The following ELMOD1 variants were observed in gnomAD, a reference collection of about 807,000 sequenced individuals.
ELMOD1 encodes the protein ELMO domain containing 1, also known as ELMO domain-containing protein 1.
ELMOD1 carries 21 observed loss-of-function variants against 46.7 expected under a neutral mutation model. The observed-to-expected ratio is 0.45, with a 90% confidence interval of 0.32 to 0.65. ELMOD1 has a LOEUF of 0.65. Among genes scored for constraint, ELMOD1 ranks in the 30% least tolerant of loss-of-function variants. The pLI is 0.04. For missense variants in ELMOD1, 348 were observed against 407.8 expected, an observed-to-expected ratio of 0.85 and a Z score of 1.26; for synonymous variants, 122 against 138.2, an observed-to-expected ratio of 0.88 and a Z score of 0.82.
intron 1 of ELMOD1, among the ~76,000 whole-genome samples, chr11:107,612,070 C>T (rs1029809095): frequency 2.6e-5 from 4 of 152,102 alleles, no homozygotes; most frequent in South Asian, 2.1e-4. Context: ...TGCATATGTT[C>T]GTCACAGCAT....
chr11:107,642,626 A>C (rs1380921724), intron 6 of ELMOD1, among the ~76,000 whole-genome samples: 1 of 152,148 alleles, frequency 6.6e-6, no homozygotes, highest in Non-Finnish European at 1.5e-5. Flanking sequence ...CAGCCTCCCA[A>C]AGTGCTGAGA....
intron 1 of ELMOD1, chr11:107,592,027 G>GTGACAGC (rs765126541): frequency 5.3e-5 from 26 of 491,722 alleles, no homozygotes; most frequent in Non-Finnish European, 9.3e-5. Flanking sequence ...CGAGTGGGGA[G>GTGACAGC]TGACAGCTGA....
intron 1 of ELMOD1, among the ~76,000 whole-genome samples, chr11:107,606,501 G>A (rs999729233): frequency 6.6e-6 from 1 of 152,154 alleles, no homozygotes; most frequent in Non-Finnish European, 1.5e-5. Flanking sequence ...ACATAATAAA[G>A]AATTAATGGG....
At position 107,666,289 on chromosome 11, in the gene ELMOD1, G is replaced by T. The variant is rs1024056341; in HGVS notation, c.*1092G>T. ...TAAGCATATTTCAAAAGCTGCAAAAGGTTTTTCACTGCCTGCCTCTTGCGG... is the reference window on the plus strand; with the variant it reads ...TAAGCATATTTCAAAAGCTGCAAAATGTTTTTCACTGCCTGCCTCTTGCGG... On this transcript the variant is annotated 3_prime_UTR_variant, in exon 12 of 12. Transcript: ENST00000265840. The T allele has an allele frequency of 6.6e-6, 1 of 152,174 alleles. No homozygotes were observed. The highest frequency in any genetic ancestry group is 2.4e-5 in the African/African-American group (1 of 41,444). 9.4% of individuals were successfully genotyped at this position (152,174 alleles called of 1,614,324 possible). A position where few individuals can be genotyped will look rare whatever the true frequency, so the allele number is the denominator to read the frequency against.
intron 10 of ELMOD1, among the ~76,000 whole-genome samples, chr11:107,655,651 G>A (rs1866616687): frequency 1.5e-5 from 2 of 134,238 alleles, no homozygotes; most frequent in South Asian, 4.5e-4. Flanking sequence ...GCTACTCCGT[G>A]GGTAGAGCAG....
intron 6 of ELMOD1, among the ~76,000 whole-genome samples, chr11:107,636,097 CA>C (rs1198642311): frequency 6.6e-6 from 1 of 152,326 alleles, no homozygotes; most frequent in East Asian, 1.9e-4. Context: ...TAGCATTTGT[CA>C]AAGAGTGACT....
At chr11:107,621,540 A>C (rs1365450036) in intron 2 of ELMOD1, among the ~76,000 whole-genome samples, 1 of 152,218 alleles carries the variant, frequency 6.6e-6, no homozygotes, top group Non-Finnish European at 1.5e-5. Flanking sequence ...TCTTCATAGC[A>C]AATGTAATTA....
chr11:107,611,253 C>T (rs1201859131), intron 1 of ELMOD1, among the ~76,000 whole-genome samples: 1 of 152,142 alleles, frequency 6.6e-6, no homozygotes, highest in Non-Finnish European at 1.5e-5. Context: ...AACTAAAGAA[C>T]TTCTGCATGG....
chr11:107,660,356 C>T (rs1025842229), intron 11 of ELMOD1, among the ~76,000 whole-genome samples: 2 of 152,140 alleles, frequency 1.3e-5, no homozygotes, highest in Non-Finnish European at 1.5e-5. Context: ...CAGTATTATT[C>T]GGTGAACACT....
At chr11:107,651,918 G>C (rs549291107) in intron 9 of ELMOD1, among the ~76,000 whole-genome samples, 2 of 152,292 alleles carry the variant, frequency 1.3e-5, no homozygotes, top group South Asian at 4.1e-4. Flanking sequence ...CTTCATAGTT[G>C]TATCTCCTGT....
chr11:107,633,720 C>T (rs972873517), intron 5 of ELMOD1, among the ~76,000 whole-genome samples: 4 of 152,184 alleles, frequency 2.6e-5, no homozygotes, highest in Non-Finnish European at 4.4e-5. Flanking sequence ...CGTAAGACAC[C>T]GCACCCGGCC....
At chr11:107,601,416 CT>C (rs56341702) in intron 1 of ELMOD1, among the ~76,000 whole-genome samples, 423 of 122,100 alleles carry the variant, frequency 3.5e-3, no homozygotes, top group South Asian at 6.3e-3. Flanking sequence ...TTAATTTTTT[CT>C]TTTTTTTTTT....
rs182351324 is a variant in ELMOD1 at position 107,625,277 on chromosome 11, C to T, written c.18-5140C>T. On this transcript the variant is annotated intron_variant, in intron 2 of 11. Coordinates refer to ENST00000265840, the MANE Select transcript of ELMOD1 (RefSeq NM_018712.4). The stretch of plus-strand genomic sequence containing the variant: ...TGTCGGGGACATTGAGCCGCTTGCT[C>T]TTCTTTATGACATTTAGATGAAAAG... 1.9e-5 allele frequency: 11 copies of T among 583,290 alleles called. No homozygotes were observed. The East Asian group carries it at 1.3e-3, about 68-fold the overall frequency. 36.1% of individuals were successfully genotyped at this position (583,290 alleles called of 1,614,324 possible). A position where few individuals can be genotyped will look rare whatever the true frequency, so the allele number is the denominator to read the frequency against.
chr11:107,635,556 A>G, intron 5 of ELMOD1, 80 bp from the exon 6 acceptor site: 2 of 1,395,476 alleles, frequency 1.4e-6, no homozygotes, highest in East Asian at 2.3e-5. Flanking sequence ...AAGTTCTATC[A>G]TGCATACATC....
At chr11:107,625,356 A>G in intron 2 of ELMOD1, 3 of 948,668 alleles carry the variant, frequency 3.2e-6, no homozygotes, top group Non-Finnish European at 3.8e-6. Context: ...ATTTTTGTAC[A>G]TATCTTTCAT....
intron 2 of ELMOD1, among the ~76,000 whole-genome samples, chr11:107,620,812 C>T (rs1489301015): frequency 1.2e-4 from 19 of 152,030 alleles, no homozygotes; most frequent in South Asian, 2.1e-4. Context: ...TAAGGTGAGC[C>T]GAGATAATGC....
intron 2 of ELMOD1, among the ~76,000 whole-genome samples, chr11:107,629,404 A>G (rs748719218): frequency 2.6e-5 from 4 of 152,234 alleles, no homozygotes; most frequent in Non-Finnish European, 4.4e-5. Context: ...AATATAAATA[A>G]TTCTGCCTCC....
In ELMOD1 at chr11:107,666,050, G is replaced by C. The variant is rs1866839701; in HGVS notation, c.*853G>C. The C allele has an allele frequency of 6.6e-6, 1 of 152,012 alleles. No individual in the cohort carries two copies. The highest frequency in any genetic ancestry group is 2.4e-5 in the African/African-American group (1 of 41,386). The allele number at this position is 152,012 out of a possible 1,614,324, so 9.4% of individuals were successfully genotyped here. A position where few individuals can be genotyped will look rare whatever the true frequency, so the allele number is the denominator to read the frequency against. On this transcript the variant is annotated 3_prime_UTR_variant, in exon 12 of 12. Coordinates refer to ENST00000265840, the MANE Select transcript of ELMOD1 (RefSeq NM_018712.4). ...AGACAGACACATGATAAGCCAAACT[G>C]TTCCTGCAAACATAGCTATGCTTCA... is the stretch of plus-strand genomic sequence containing the variant.
chr11:107,656,535 CA>C (rs1866637129), intron 11 of ELMOD1, among the ~76,000 whole-genome samples: 2 of 151,258 alleles, frequency 1.3e-5, no homozygotes, highest in Admixed American at 6.6e-5. Flanking sequence ...ACACTCCAGA[CA>C]AGGGTCAAAG....
Sources: allele counts gnomAD v4.1 joint callset (sites outside exome capture counted in the v4.1 genomes callset), GRCh38; gene constraint gnomAD v4.1.1; transcripts MANE v1.5; gene names NCBI Gene and HGNC (gene_info 2026-07-23, HGNC 2026-07-21).